CNTNAP4: variants seen among roughly 807,000 people sequenced by gnomAD.
CNTNAP4 encodes the protein contactin associated protein family member 4.
CNTNAP4 carries 98 observed loss-of-function variants against 148.4 expected under a neutral mutation model. The ratio of observed to expected loss-of-function variants is 0.66; its 90% CI spans 0.56 to 0.78. CNTNAP4 has a LOEUF of 0.78. Ranked by LOEUF, CNTNAP4 falls within the 30% of genes least tolerant of loss-of-function variation. The pLI is 0.00. For missense variants in CNTNAP4, 1,935 were observed against 1,565.6 expected (o/e 1.24, Z -3.98); for synonymous variants, 730 against 565.1 (o/e 1.29, Z -4.14).
chr16:76,448,686 A>G, intron 5 of CNTNAP4, 81 bp from the exon 6 acceptor site: 1 of 997,580 alleles, frequency 1.0e-6, no homozygotes, highest in East Asian at 2.7e-5. Flanking sequence ...ATTATGAAAG[A>G]TGGTGGTCCA....
intron 3 of CNTNAP4, among the ~76,000 whole-genome samples, chr16:76,366,953 T>C (rs931408704): frequency 1.3e-5 from 2 of 152,118 alleles, no homozygotes; most frequent in African/African-American, 4.8e-5. Flanking sequence ...AATGAGATCA[T>C]TCTGAATGTC....
At chr16:76,473,373 T>A (rs1259872994) in intron 10 of CNTNAP4, among the ~76,000 whole-genome samples, 11 of 152,212 alleles carry the variant, frequency 7.2e-5, no homozygotes, top group African/African-American at 2.7e-4. Context: ...TTTCCTGGAT[T>A]GTTTAATTTC....
intron 1 of CNTNAP4, among the ~76,000 whole-genome samples, chr16:76,297,460 T>C (rs1475680818): frequency 5.3e-5 from 8 of 152,168 alleles, no homozygotes; most frequent in African/African-American, 1.9e-4. Flanking sequence ...AAGGGAGCTG[T>C]TTTTTCAAAT....
chr16:76,364,960 C>G (rs989860380), intron 3 of CNTNAP4, among the ~76,000 whole-genome samples: 1 of 152,090 alleles, frequency 6.6e-6, no homozygotes, highest in African/African-American at 2.4e-5. Context: ...ATGCCTAGGT[C>G]CTGAATGGTA....
chr16:76,554,716 G>A (rs1199756145), intron 23 of CNTNAP4, among the ~76,000 whole-genome samples: 1 of 151,630 alleles, frequency 6.6e-6, no homozygotes, highest in Non-Finnish European at 1.5e-5. Flanking sequence ...GCATTGCCAG[G>A]GAGATACAAT....
chr16:76,325,230 AT>A (rs1375909437), intron 2 of CNTNAP4, among the ~76,000 whole-genome samples: 1 of 152,226 alleles, frequency 6.6e-6, no homozygotes, highest in African/African-American at 2.4e-5. Flanking sequence ...AGGCAAAAAA[AT>A]GAAAATAAAG....
intron 1 of CNTNAP4, among the ~76,000 whole-genome samples, chr16:76,298,697 G>T (rs1183176983): frequency 6.6e-6 from 1 of 152,150 alleles, no homozygotes; most frequent in African/African-American, 2.4e-5. Flanking sequence ...CAAGGGCTCA[G>T]TTGCCTGCAG....
chr16:76,472,964 TA>T (rs1381861151), intron 10 of CNTNAP4, among the ~76,000 whole-genome samples: 13 of 152,132 alleles, frequency 8.5e-5, no homozygotes, highest in African/African-American at 1.9e-4. Flanking sequence ...AAATAAGAGT[TA>T]AAAAATAAAA....
intron 17 of CNTNAP4, among the ~76,000 whole-genome samples, chr16:76,534,856 G>T (rs1406833307): frequency 1.3e-5 from 2 of 152,158 alleles, no homozygotes; most frequent in South Asian, 4.1e-4. Context: ...CTTCAAGGAT[G>T]ACTTGATAGG....
chr16:76,410,039 T>C (rs564200412), intron 3 of CNTNAP4, among the ~76,000 whole-genome samples: 1 of 151,984 alleles, frequency 6.6e-6, no homozygotes, highest in East Asian at 1.9e-4. Flanking sequence ...GGTTTAGGAA[T>C]CTGATTCAAG....
At chr16:76,334,928 C>A (rs1312972850) in intron 2 of CNTNAP4, among the ~76,000 whole-genome samples, 2 of 151,948 alleles carry the variant, frequency 1.3e-5, no homozygotes, top group Admixed American at 1.3e-4. Flanking sequence ...GCCATCAAGG[C>A]TAACCAGATG....
At chr16:76,387,260 A>G (rs1228363953) in intron 3 of CNTNAP4, among the ~76,000 whole-genome samples, 1 of 152,214 alleles carries the variant, frequency 6.6e-6, no homozygotes, top group Non-Finnish European at 1.5e-5. Context: ...TTGAAAATCC[A>G]TTAGGACACA....
At chr16:76,505,139 C>G (rs2082797074) in intron 15 of CNTNAP4, among the ~76,000 whole-genome samples, 1 of 152,104 alleles carries the variant, frequency 6.6e-6, no homozygotes, top group East Asian at 1.9e-4. Flanking sequence ...AGAGGAAAAT[C>G]TATATGCATA....
At chr16:76,366,569 A>C (rs1744595817) in intron 3 of CNTNAP4, among the ~76,000 whole-genome samples, 1 of 152,218 alleles carries the variant, frequency 6.6e-6, no homozygotes, top group African/African-American at 2.4e-5. Flanking sequence ...TGTCTTTGCT[A>C]TTGTGACTAG....
intron 17 of CNTNAP4, among the ~76,000 whole-genome samples, chr16:76,529,934 A>G (rs1025607361): frequency 6.6e-6 from 1 of 152,068 alleles, no homozygotes; most frequent in Admixed American, 6.6e-5. Flanking sequence ...CGGCATATGC[A>G]TAGGCTAAGC....
intron 17 of CNTNAP4, among the ~76,000 whole-genome samples, chr16:76,525,064 G>C (rs571554259): frequency 3.4e-4 from 51 of 152,204 alleles, no homozygotes; most frequent in African/African-American, 1.2e-3. Context: ...ACCTCCACCA[G>C]AGTGAACTAG....
intron 2 of CNTNAP4, among the ~76,000 whole-genome samples, chr16:76,352,505 G>T (rs1238736768): frequency 2.0e-5 from 3 of 152,126 alleles, no homozygotes; most frequent in Non-Finnish European, 4.4e-5. Flanking sequence ...AGGCACTGCG[G>T]TGTCCTAGTT....
chr16:76,479,464 C>A lies in CNTNAP4; in HGVS notation c.1808C>A (p.Thr603Asn), dbSNP rs543560167. The change falls in exon 12 of 24, where the codon ACT (threonine) becomes AAT (asparagine). Residue 603 changes from threonine to asparagine, a missense_variant. Coordinates refer to ENST00000611870, the MANE Select transcript of CNTNAP4 (RefSeq NM_033401.5). ...GAAGCCTATAAGCACAGAGGAAATA[C>A]TTCAGGGTTTTACTATATAGATTCA... Reference protein sequence around the residue: ...SCEAYKHRGNTSGFYYIDSDG... With the variant: ...SCEAYKHRGNNSGFYYIDSDG... The A allele has an allele frequency of 3.1e-6, 5 of 1,610,440 alleles. No homozygotes were observed. The highest frequency in any genetic ancestry group is 1.7e-5 in the Admixed American group (1 of 59,570).
At position 76,334,903 on chromosome 16, in the gene CNTNAP4, G is replaced by A. The variant is rs114619529; in HGVS notation, c.196+18380G>A. On this transcript the variant is annotated intron_variant, in intron 2 of 23. Transcript: ENST00000611870. ...CCTTTCCATCTGGTTAACCTTGATA[G>A]CTCATACTGTAGGAGCCATCAAGGC... Among the ~76,000 whole-genome samples, 454 of 152,050 alleles carry A rather than the reference G, an allele frequency of 3.0e-3. 3 individuals carry two copies. Among genetic ancestry groups the A allele is most frequent in the African/African-American group, 0.01 (430 of 41,506 alleles).
Sources: gnomAD v4.1 joint callset for allele counts (sites outside exome capture counted in the v4.1 genomes callset) on GRCh38, gnomAD v4.1.1 for gene constraint, MANE v1.5 for transcripts, NCBI Gene and HGNC (gene_info 2026-07-23, HGNC 2026-07-21) for gene names.